SLC5A4: variants seen among roughly 807,000 people sequenced by gnomAD.
SLC5A4 encodes the protein probable glucose sensor protein SLC5A4.
SLC5A4 carries 55 observed loss-of-function variants against 70.3 expected under a neutral mutation model. The observed-to-expected ratio is 0.78, with a 90% CI of 0.63 to 0.98. The LOEUF (loss-of-function observed/expected upper bound fraction) is 0.98, where lower values mean the gene tolerates loss of function less well. Among genes scored for constraint, SLC5A4 ranks in the 50% least tolerant of loss-of-function variants. The pLI, the probability that SLC5A4 is intolerant of heterozygous loss-of-function variation, is 0.00. For synonymous variants in SLC5A4, 268 were observed against 305.7 expected, an observed-to-expected ratio of 0.88 and a Z score of 1.29; for missense variants, 735 against 839.2, an observed-to-expected ratio of 0.88 and a Z score of 1.53.
the SLC5A4 span, chr22:32,272,919 C>A: frequency 3.8e-6 from 2 of 528,074 alleles, no homozygotes; most frequent in South Asian, 3.0e-5. Flanking sequence ...TCAACCTCCG[C>A]ACCTTCCGGA....
At chr22:32,228,542 C>CAA (rs34283566) in intron 11 of SLC5A4, among the ~76,000 whole-genome samples, 126 of 145,784 alleles carry the variant, frequency 8.6e-4, no homozygotes, top group Admixed American at 2.0e-3. Context: ...AACTCTGTCT[C>CAA]AAAAAAAAAA....
intron 5 of SLC5A4, among the ~76,000 whole-genome samples, chr22:32,240,327 A>C (rs1342160745): frequency 6.6e-6 from 1 of 152,016 alleles, no homozygotes; most frequent in Non-Finnish European, 1.5e-5. Context: ...AAATCTCTCT[A>C]AGGCAAACAT....
the SLC5A4 span, among the ~76,000 whole-genome samples, chr22:32,288,101 T>C: frequency 2.0e-5 from 3 of 151,598 alleles, no homozygotes; most frequent in Non-Finnish European, 4.4e-5. Context: ...CCACCTGCCT[T>C]GGTCTCCCAA....
chr22:32,238,236 C>G lies in SLC5A4; in HGVS notation c.583+749G>C, dbSNP rs549432908. 3.9e-5 allele frequency among the ~76,000 whole-genome samples: 6 copies of G among 152,112 alleles called. No individual in the cohort carries two copies. In the South Asian group the frequency reaches 1.2e-3, roughly 32 times the overall value. Reference sequence around the variant, plus strand: ...TCTGTCTTTAAAAGCCTCTCCTTGCCCCAACCCCCTTGGAAGTCCTGTGGT... The same window carrying G: ...TCTGTCTTTAAAAGCCTCTCCTTGCGCCAACCCCCTTGGAAGTCCTGTGGT... On this transcript the variant is annotated intron_variant, in intron 6 of 14. Coordinates refer to ENST00000266086, the MANE Select transcript of SLC5A4 (RefSeq NM_014227.3).
the SLC5A4 span, among the ~76,000 whole-genome samples, chr22:32,333,402 T>C: frequency 6.6e-6 from 1 of 152,156 alleles, no homozygotes; most frequent in African/African-American, 2.4e-5. Context: ...GGGAAACCTG[T>C]GAGGTGAATG....
chr22:32,334,712 C>T, the SLC5A4 span, among the ~76,000 whole-genome samples: 6 of 152,200 alleles, frequency 3.9e-5, no homozygotes, highest in South Asian at 2.1e-4. Flanking sequence ...GTGAGATGTC[C>T]CAGGGATTGA....
chr22:32,258,119 G>A (rs1318440318), upstream of SLC5A4, among the ~76,000 whole-genome samples: 2 of 152,146 alleles, frequency 1.3e-5, no homozygotes, highest in African/African-American at 4.8e-5. Flanking sequence ...CTCCCGAGTT[G>A]CTGGGATTAC....
chr22:32,342,179 A>G, the SLC5A4 span, among the ~76,000 whole-genome samples: 1 of 152,248 alleles, frequency 6.6e-6, no homozygotes, highest in Non-Finnish European at 1.5e-5. Context: ...GCTACACATT[A>G]TAACTAAAAC....
the SLC5A4 span, among the ~76,000 whole-genome samples, chr22:32,308,672 C>T: frequency 6.6e-6 from 1 of 151,990 alleles, no homozygotes; most frequent in African/African-American, 2.4e-5. Flanking sequence ...AGGGGAGATG[C>T]CACCCACCCT....
the SLC5A4 span, among the ~76,000 whole-genome samples, chr22:32,350,268 G>A: frequency 6.6e-6 from 1 of 152,184 alleles, no homozygotes; most frequent in South Asian, 2.1e-4. Context: ...CCATTGTAAA[G>A]ATGGATACGC....
At chr22:32,315,753 C>G in the SLC5A4 span, among the ~76,000 whole-genome samples, 1 of 144,362 alleles carries the variant, frequency 6.9e-6, no homozygotes, top group Non-Finnish European at 1.5e-5. Flanking sequence ...CCAAATGCAT[C>G]TGCCATATCT....
chr22:32,233,596 T>C (rs978277096), intron 8 of SLC5A4, among the ~76,000 whole-genome samples: 1 of 152,096 alleles, frequency 6.6e-6, no homozygotes, highest in Non-Finnish European at 1.5e-5. Flanking sequence ...GCTGCCAGAC[T>C]GTGAGAGGGC....
chr22:32,315,802 A>G, the SLC5A4 span, among the ~76,000 whole-genome samples: 1 of 125,124 alleles, frequency 8.0e-6, no homozygotes, highest in East Asian at 3.1e-4. Context: ...CTTAAAAAAA[A>G]AAAAAAAAAA....
chr22:32,303,381 A>C, the SLC5A4 span, among the ~76,000 whole-genome samples: 1 of 152,232 alleles, frequency 6.6e-6, no homozygotes, highest in Non-Finnish European at 1.5e-5. Context: ...CCAGCCTTTC[A>C]CCAAAAACAC....
rs1027718960 is a variant in SLC5A4, at chr22:32,224,486, C to A, written c.1450-4G>T. ...CCATTAGACCCCAGAATGCTCCCTG[C>A]AAAAGAAGCAAGAAGAAAATCAGAA... On this transcript the variant is annotated splice_polypyrimidine_tract_variant and splice_region_variant and intron_variant, in intron 12 of 14. Transcript: ENST00000266086. 6.2e-7 allele frequency: 1 copy of A among 1,602,450 alleles called. No individual in the cohort carries two copies.
At chr22:32,330,885 A>G in the SLC5A4 span, among the ~76,000 whole-genome samples, 4 of 65,364 alleles carry the variant, frequency 6.1e-5, 1 homozygote, top group Admixed American at 2.3e-4. Flanking sequence ...GCTGTGTAGG[A>G]GTGTTGGGGG....
Position 32,218,662 on chromosome 22 carries a change from T to G in SLC5A4, c.1832A>C (p.Lys611Thr), listed in dbSNP as rs141324912. The change falls in exon 15 of 15, where the codon AAG becomes ACG. Residue 611 changes from lysine to threonine, a missense_variant. Coordinates refer to ENST00000266086, the MANE Select transcript of SLC5A4 (RefSeq NM_014227.3). ...CTCCTCCTTGGTTAGCTTGGGTCCC[T>G]TCTGCAAACCGCAGAACAAGTCATA... ...KAYDLFCGLQ[K>T]GPKLTKEEEE... The G allele has an allele frequency of 1.9e-5, 30 of 1,614,040 alleles. No homozygotes were observed. In the African/African-American group the frequency reaches 3.7e-4, roughly 20 times the overall value.
chr22:32,255,010 C>T (rs1029281362), intron 1 of SLC5A4, among the ~76,000 whole-genome samples, 185 bp downstream of exon 1: 1 of 151,994 alleles, frequency 6.6e-6, no homozygotes, highest in African/African-American at 2.4e-5. Context: ...TGTGTGCACA[C>T]GATGGGGTTA....
chr22:32,237,359 T>C, intron 6 of SLC5A4, 35 bp from the exon 7 acceptor site: 1 of 1,425,902 alleles, frequency 7.0e-7, no homozygotes, highest in Non-Finnish European at 9.6e-7. Flanking sequence ...GGGCATTTTA[T>C]CCATGTGTCC....
Sources: gnomAD v4.1 joint callset for allele counts (sites outside exome capture counted in the v4.1 genomes callset) on GRCh38, gnomAD v4.1.1 for gene constraint, MANE v1.5 for transcripts, NCBI Gene and HGNC (gene_info 2026-07-23, HGNC 2026-07-21) for gene names.